The following WDFY4 variants were observed in gnomAD, a reference collection of about 807,000 sequenced individuals.
The protein encoded by WDFY4 is WD repeat- and FYVE domain-containing protein 4.
In WDFY4, 169 loss-of-function variants were observed where a neutral mutation model predicts 351.9. That is an observed-to-expected ratio of 0.48 (90% CI 0.42 to 0.55). WDFY4 has a LOEUF of 0.55. WDFY4 is among the 20% of genes least tolerant of loss of function. The probability of loss-of-function intolerance (pLI) is 0.00; values close to 1 mark genes in which losing one functional copy is unlikely to be tolerated. For missense variants in WDFY4, 3,803 were observed against 3,935.6 expected (o/e 0.97, Z 0.90); for synonymous variants, 1,622 against 1,574.6 (o/e 1.03, Z -0.71).
At chr10:48,882,982 C>T (rs969436671) in intron 43 of WDFY4, among the ~76,000 whole-genome samples, 2 of 152,238 alleles carry the variant, frequency 1.3e-5, no homozygotes, top group African/African-American at 2.4e-5. Context: ...CTCTTATTCT[C>T]AGTTCATGTG....
intron 39 of WDFY4, among the ~76,000 whole-genome samples, chr10:48,862,069 T>G (rs1341247989): frequency 6.6e-6 from 1 of 152,198 alleles, no homozygotes; most frequent in Non-Finnish European, 1.5e-5. Flanking sequence ...AAAATTTGTT[T>G]CAGAATGTTT....
Position 48,810,666 on chromosome 10 carries a change from C to A in WDFY4, c.4975C>A (p.Arg1659=). 6.4e-7 allele frequency: 1 copy of A among 1,551,644 alleles called. No individual in the cohort carries two copies. The highest frequency in any genetic ancestry group is 2.4e-5 in the East Asian group (1 of 40,918). ...TCTGGCAAGCCCCTCCCTCCGCACA[C>A]GGTTTAGAGATGGCCTGTGTGCAGG... ...YFLASPSLRT[R]FRDGLCAGSW... The change falls in exon 29 of 62, where the codon CGG becomes AGG. Residue 1659 remains arginine, a synonymous_variant. Transcript: ENST00000325239.
At chr10:48,973,684 G>C (rs1484455537) in intron 57 of WDFY4, among the ~76,000 whole-genome samples, 1 of 152,208 alleles carries the variant, frequency 6.6e-6, no homozygotes, top group Non-Finnish European at 1.5e-5. Context: ...CTGGAGTGCT[G>C]GTGATGGAAT....
chr10:48,966,760 T>C, intron 55 of WDFY4, 87 bp downstream of exon 55: 1 of 1,470,724 alleles, frequency 6.8e-7, no homozygotes, highest in Non-Finnish European at 9.1e-7. Flanking sequence ...CAGCACCACA[T>C]ACCTGGGCAA....
intron 31 of WDFY4, among the ~76,000 whole-genome samples, chr10:48,815,860 C>T (rs900158698): frequency 6.6e-6 from 1 of 152,000 alleles, no homozygotes; most frequent in East Asian, 1.9e-4. Context: ...TGATTTCATG[C>T]ATCCTATAAA....
chr10:48,709,636 A>G, intron 1 of WDFY4, 80 bp from the exon 2 acceptor site: 3 of 1,227,242 alleles, frequency 2.4e-6, no homozygotes, highest in Non-Finnish European at 3.5e-6. Context: ...GGGCTGAGTG[A>G]GTACAGTACC....
At chr10:48,950,803 G>A (rs1342324163) in intron 51 of WDFY4, among the ~76,000 whole-genome samples, 8 of 152,194 alleles carry the variant, frequency 5.3e-5, no homozygotes, top group Admixed American at 3.9e-4. Flanking sequence ...TGACATGTAG[G>A]CAGTCACCCG....
At chr10:48,956,413 C>T (rs1014836959) in intron 51 of WDFY4, among the ~76,000 whole-genome samples, 1 of 152,164 alleles carries the variant, frequency 6.6e-6, no homozygotes, top group Non-Finnish European at 1.5e-5. Context: ...GTCCCAGAGT[C>T]TCCTTCCTGC....
chr10:48,820,814 G>A lies in WDFY4; in HGVS notation c.5710-248G>A, dbSNP rs1014244044. 3.3e-5 allele frequency among the ~76,000 whole-genome samples: 5 copies of A among 152,146 alleles called. No homozygotes were observed. In the South Asian group the frequency reaches 1.0e-3, roughly 31 times the overall value. ...CCTCCCAGGGCCGGCCCCACCTGTG[G>A]CACCTGACAGGTGGCCGTGGGCTGT... On this transcript the variant is annotated intron_variant, in intron 33 of 61. Transcript: ENST00000325239.
At chr10:48,770,573 T>C (rs1053869367) in intron 13 of WDFY4, among the ~76,000 whole-genome samples, 10 of 151,904 alleles carry the variant, frequency 6.6e-5, no homozygotes, top group Non-Finnish European at 1.3e-4. Flanking sequence ...AGAGGGTGGA[T>C]GTTACTTTTT....
Position 48,811,551 on chromosome 10 carries a change from G to A in WDFY4, c.5057G>A (p.Ser1686Asn), listed in dbSNP as rs1435812687. ...GVDIVMDNLK[S>N]QSPLPEQSPC... ...GCCTGATCAATAGACAACCTGAAGAGCCAGTCACCACTGCCTGAGCAAAGC... is the reference window on the plus strand; with the variant it reads ...GCCTGATCAATAGACAACCTGAAGAACCAGTCACCACTGCCTGAGCAAAGC... Residue 1686 changes from serine to asparagine, a missense_variant, in exon 30 of 62, where the codon AGC becomes AAC. Physicochemically the swap from Ser to Asn is conservative, Grantham distance 46. Coordinates refer to ENST00000325239, the MANE Select transcript of WDFY4 (RefSeq NM_001394531.1). 6.4e-7 allele frequency: 1 copy of A among 1,552,122 alleles called. No homozygotes were observed. The highest frequency in any genetic ancestry group is 1.4e-5 in the African/African-American group (1 of 73,040).
At chr10:48,836,886 G>A (rs968140560) in intron 39 of WDFY4, among the ~76,000 whole-genome samples, 10 of 152,152 alleles carry the variant, frequency 6.6e-5, no homozygotes, top group Non-Finnish European at 1.2e-4. Flanking sequence ...AGGGTGGCCA[G>A]CTCCCCTCTT....
At chr10:48,742,106 T>C (rs1012579270) in intron 11 of WDFY4, among the ~76,000 whole-genome samples, 2 of 152,074 alleles carry the variant, frequency 1.3e-5, no homozygotes, top group Admixed American at 6.5e-5. Flanking sequence ...CTAGAGTATA[T>C]ACCATGCACT....
chr10:48,718,349 T>G (rs565232781), intron 2 of WDFY4, among the ~76,000 whole-genome samples: 1 of 152,314 alleles, frequency 6.6e-6, no homozygotes, highest in South Asian at 2.1e-4. Flanking sequence ...AAAGGGAAGA[T>G]TTTTGAAGGC....
At chr10:48,832,737 A>G (rs1230368634) in intron 39 of WDFY4, 28 bp downstream of exon 39, 1 of 1,501,724 alleles carries the variant, frequency 6.7e-7, no homozygotes, top group Admixed American at 2.3e-5. Flanking sequence ...TTCCTCAGAA[A>G]AGTATCAGGC....
chr10:48,771,691 G>C (rs982874275), intron 13 of WDFY4, among the ~76,000 whole-genome samples: 2 of 152,208 alleles, frequency 1.3e-5, no homozygotes, highest in Non-Finnish European at 2.9e-5. Context: ...GCTGGAGCAC[G>C]TTTCAAACTG....
At position 48,773,315 on chromosome 10, in the gene WDFY4, G is replaced by T. The variant is rs557775112; in HGVS notation, c.2554-1143G>T. 5.3e-5 allele frequency among the ~76,000 whole-genome samples: 8 copies of T among 152,294 alleles called. No individual in the cohort carries two copies. In the South Asian group the frequency reaches 1.7e-3, roughly 32 times the overall value. ...CATGGAGCACAGTAGCATCCACTGGGACAAGGAAAATTCCATTAAGATCTA... is the reference window on the plus strand; with the variant it reads ...CATGGAGCACAGTAGCATCCACTGGTACAAGGAAAATTCCATTAAGATCTA... On this transcript the variant is annotated intron_variant, in intron 13 of 61. Transcript: ENST00000325239.
chr10:48,828,998 T>G, intron 37 of WDFY4, 102 bp downstream of exon 37: 13 of 659,858 alleles, frequency 2.0e-5, no homozygotes, highest in East Asian at 9.1e-5. Flanking sequence ...CAGTTCGTCC[T>G]TCCCGAAATA....
At chr10:48,760,270 A>G (rs2065461576) in intron 12 of WDFY4, 77 bp from the exon 13 acceptor site, 2 of 1,306,516 alleles carry the variant, frequency 1.5e-6, no homozygotes, top group African/African-American at 1.5e-5. Context: ...TTAGAAAGAA[A>G]GATCCAGGAA....
Sources: allele counts gnomAD v4.1 joint callset (sites outside exome capture counted in the v4.1 genomes callset), GRCh38; gene constraint gnomAD v4.1.1; transcripts MANE v1.5; gene names NCBI Gene and HGNC (gene_info 2026-07-23, HGNC 2026-07-21).